Variants in LDLRAD4 observed in about 807,000 individuals in gnomAD.
LDLRAD4 encodes the protein low-density lipoprotein receptor class A domain-containing protein 4.
Under a neutral mutation model 17.0 loss-of-function variants are expected in LDLRAD4, and 5 were observed. That is an observed-to-expected ratio of 0.29 (90% confidence interval 0.15 to 0.62). The LOEUF (loss-of-function observed/expected upper bound fraction) is 0.62, where lower values mean the gene tolerates loss of function less well. Ranked by LOEUF, LDLRAD4 falls within the 20% of genes least tolerant of loss-of-function variation. The pLI is 0.84. For missense variants in LDLRAD4, 340 were observed against 424.7 expected (o/e 0.80, Z 1.75); for synonymous variants, 168 against 171.8 (o/e 0.98, Z 0.17).
At chr18:13,539,039 T>G (rs1568313935) in intron 3 of LDLRAD4, among the ~76,000 whole-genome samples, 1 of 152,356 alleles carries the variant, frequency 6.6e-6, no homozygotes, top group East Asian at 1.9e-4. Context: ...CTTTTGATTT[T>G]GGCTTTAATT....
intron 2 of LDLRAD4, chr18:13,419,637 C>A (rs373923570): frequency 6.6e-6 from 1 of 152,226 alleles, no homozygotes; most frequent in South Asian, 2.1e-4. Flanking sequence ...CCCAAGATCA[C>A]ACAGGTAATA....
chr18:13,429,277 C>T (rs1479048110), intron 2 of LDLRAD4, among the ~76,000 whole-genome samples: 3 of 152,136 alleles, frequency 2.0e-5, no homozygotes, highest in Non-Finnish European at 2.9e-5. Context: ...AAGCCTGATT[C>T]GGATTTGTTT....
At chr18:13,439,804 C>T (rs957553114) in intron 3 of LDLRAD4, among the ~76,000 whole-genome samples, 1 of 152,188 alleles carries the variant, frequency 6.6e-6, no homozygotes, top group African/African-American at 2.4e-5. Context: ...AGGCAGCAGG[C>T]CAGAGGGTCG....
In LDLRAD4 at chr18:13,509,399, T is replaced by A. The variant is rs1295925134; in HGVS notation, c.181+71015T>A. On this transcript the variant is annotated intron_variant, in intron 3 of 5. Coordinates refer to ENST00000359446, the Ensembl canonical transcript of LDLRAD4. ...GACTCTGAGGGATTTAAGACTTCAG[T>A]GAGGAACTAACTGCAAATAAGGTAG... Among the ~76,000 whole-genome samples the A allele has an allele frequency of 2.0e-5, 3 of 152,214 alleles. No individual in the cohort carries two copies. In the East Asian group the frequency reaches 5.8e-4, roughly 29 times the overall value.
At chr18:13,599,752 T>C (rs1193129949) in intron 3 of LDLRAD4, among the ~76,000 whole-genome samples, 1 of 151,968 alleles carries the variant, frequency 6.6e-6, no homozygotes, top group African/African-American at 2.4e-5. Flanking sequence ...TGGCCTCCCA[T>C]AGTGCTGGGA....
chr18:13,261,615 G>A lies in LDLRAD4; in HGVS notation c.-466-16490G>A, dbSNP rs147325738. Among the ~76,000 whole-genome samples, 436 of 152,314 alleles carry A rather than the reference G, an allele frequency of 2.9e-3. 1 individual carries two copies. Among genetic ancestry groups the A allele is most frequent in the African/African-American group, 0.01 (423 of 41,568 alleles). On this transcript the variant is annotated intron_variant, in intron 1 of 5. Coordinates refer to the LDLRAD4 transcript ENST00000399848. ...CAGGTCAGCAGAGTGAGTGATAAGC[G>A]CACTCGTTCCATCAACCGTGCGGTT...
At chr18:13,572,491 G>A (rs1229474460) in intron 3 of LDLRAD4, among the ~76,000 whole-genome samples, 1 of 152,182 alleles carries the variant, frequency 6.6e-6, no homozygotes, top group African/African-American at 2.4e-5. Context: ...TTTTGTGTTT[G>A]CCTTAGAAGA....
At chr18:13,289,115 C>T (rs985682726) in intron 1 of LDLRAD4, among the ~76,000 whole-genome samples, 1 of 152,218 alleles carries the variant, frequency 6.6e-6, no homozygotes, top group Non-Finnish European at 1.5e-5. Context: ...GGCTCCACTG[C>T]TTGGTATTTT....
At chr18:13,218,951 C>T (rs2041291113) in exon 1 of LDLRAD4, 3 of 152,348 alleles carry the variant, frequency 2.0e-5, no homozygotes, top group Admixed American at 6.5e-5. Flanking sequence ...GGACCCCTTC[C>T]CGGTGCGCCG....
At chr18:13,322,302 T>TG (rs986829670) in intron 1 of LDLRAD4, among the ~76,000 whole-genome samples, 4 of 145,510 alleles carry the variant, frequency 2.7e-5, no homozygotes, top group Non-Finnish European at 4.6e-5. Context: ...TTTTTTTTTT[T>TG]TTTTTTTTTG....
At chr18:13,302,861 G>A (rs930092661) in intron 1 of LDLRAD4, among the ~76,000 whole-genome samples, 2 of 152,150 alleles carry the variant, frequency 1.3e-5, no homozygotes, top group African/African-American at 4.8e-5. Flanking sequence ...ATGGAGTTAT[G>A]TTACGTGCAG....
intron 1 of LDLRAD4, among the ~76,000 whole-genome samples, chr18:13,291,567 C>T (rs1039078819): frequency 4.6e-5 from 7 of 152,144 alleles, no homozygotes; most frequent in African/African-American, 1.7e-4. Context: ...TCCTCACAGG[C>T]ACAGCTCTTC....
chr18:13,512,959 A>G (rs1351628127), intron 3 of LDLRAD4, among the ~76,000 whole-genome samples: 1 of 152,112 alleles, frequency 6.6e-6, no homozygotes, highest in Non-Finnish European at 1.5e-5. Context: ...GACTTCGGAG[A>G]TTGTCTCTGA....
chr18:13,418,796 AG>A lies in LDLRAD4; in HGVS notation c.41-19447del, dbSNP rs571511893. 3.4e-3 allele frequency among the ~76,000 whole-genome samples: 513 copies of A among 152,340 alleles called. 2 individuals are homozygous for A. Among genetic ancestry groups the A allele is most frequent in the African/African-American group, 0.012 (488 of 41,590 alleles). On this transcript the variant is annotated intron_variant, in intron 2 of 5. Transcript: ENST00000359446. ...ATTTGCAAGTGCCTATGGAGATCCA[AG>A]CATTGCTCCAGAGAATAGAAGCTAA...
chr18:13,651,018 CTTATT>C (rs2043224409), exon 6 of LDLRAD4: 1 of 152,174 alleles, frequency 6.6e-6, no homozygotes, highest in Non-Finnish European at 1.5e-5. Context: ...CTAGACGCTT[CTTATT>C]TTAATCATTT....
intron 1 of LDLRAD4, among the ~76,000 whole-genome samples, chr18:13,256,749 TG>T (rs2043525376): frequency 6.6e-6 from 1 of 152,164 alleles, no homozygotes; most frequent in African/African-American, 2.4e-5. Flanking sequence ...TGTGCTGGCA[TG>T]GAAGAGAGAG....
exon 6 of LDLRAD4, chr18:13,652,456 GTTGT>G (rs1177036880): frequency 6.6e-6 from 1 of 152,518 alleles, no homozygotes; most frequent in African/African-American, 2.4e-5. Context: ...CTTTTCAATA[GTTGT>G]TTGTGAGCTA....
chr18:13,544,110 G>A (rs920853269), intron 3 of LDLRAD4, among the ~76,000 whole-genome samples: 2 of 152,256 alleles, frequency 1.3e-5, no homozygotes, highest in East Asian at 1.9e-4. Flanking sequence ...GGTTTCCATC[G>A]CTGGGCCTGC....
At chr18:13,486,961 G>A (rs6416995) in intron 3 of LDLRAD4, 88,702 of 152,020 alleles carry the variant, frequency 0.58, 26,092 homozygotes, top group South Asian at 0.64. Flanking sequence ...GCACCCCAAC[G>A]CTTGCTGTCT....
Sources: gnomAD v4.1 joint callset for allele counts (sites outside exome capture counted in the v4.1 genomes callset) on GRCh38, gnomAD v4.1.1 for gene constraint, MANE v1.5 for transcripts, NCBI Gene and HGNC (gene_info 2026-07-23, HGNC 2026-07-21) for gene names.